The following POU2F1 variants were observed in gnomAD, a reference collection of about 807,000 sequenced individuals.
POU2F1 encodes POU class 2 homeobox 1, also known as POU domain, class 2, transcription factor 1.
POU2F1 carries 16 observed loss-of-function variants against 84.9 expected under a neutral mutation model. That is an observed-to-expected ratio of 0.19 (90% confidence interval 0.13 to 0.29). POU2F1 has a LOEUF of 0.29. Among genes scored for constraint, POU2F1 ranks in the 10% least tolerant of loss-of-function variants. The probability of loss-of-function intolerance (pLI) is 1.00; values close to 1 mark genes in which losing one functional copy is unlikely to be tolerated. For synonymous variants in POU2F1, 368 were observed against 368.3 expected (o/e 1.00, Z 0.01); for missense variants, 738 against 942.6 (o/e 0.78, Z 2.84).
At chr1:167,312,535 T>A (rs12730999) in intron 1 of POU2F1, among the ~76,000 whole-genome samples, 1,841 of 152,120 alleles carry the variant, frequency 0.012, 14 homozygotes, top group South Asian at 0.026. Context: ...TGGCTAAAAG[T>A]CAAATTTTTT....
intron 1 of POU2F1, among the ~76,000 whole-genome samples, chr1:167,330,475 C>T (rs780647213): frequency 2.6e-5 from 4 of 151,744 alleles, no homozygotes; most frequent in Admixed American, 1.3e-4. Flanking sequence ...ACTTAGTTAA[C>T]AATTCAAAAA....
intron 1 of POU2F1, among the ~76,000 whole-genome samples, chr1:167,225,503 A>G (rs1648564822): frequency 6.6e-6 from 1 of 152,250 alleles, no homozygotes; most frequent in Non-Finnish European, 1.5e-5. Flanking sequence ...TCAATCTGCC[A>G]TTCATCTGGT....
intron 9 of POU2F1, among the ~76,000 whole-genome samples, chr1:167,393,326 A>G (rs781041532): frequency 7.2e-5 from 11 of 152,176 alleles, no homozygotes; most frequent in Non-Finnish European, 1.2e-4. Context: ...TTTTTATTCA[A>G]TTAAGCAATT....
chr1:167,402,743 T>C (rs1649297497), intron 13 of POU2F1, among the ~76,000 whole-genome samples: 1 of 152,230 alleles, frequency 6.6e-6, no homozygotes, highest in Admixed American at 6.5e-5. Flanking sequence ...ATATATAATA[T>C]TGAGCACTTC....
rs912813436 is a variant in POU2F1 at position 167,221,160 on chromosome 1, A to C, written c.61+202A>C. Among the ~76,000 whole-genome samples, 8 of 150,716 alleles carry C rather than the reference A, an allele frequency of 5.3e-5. No homozygotes were observed. The East Asian group carries it at 6.0e-4, about 11-fold the overall frequency. ...CTCGGAGCGGCCAGGCGGAGGGGGA[A>C]GACAAGGGGCAAAGGGGGCTGCGAT... is the stretch of plus-strand genomic sequence containing the variant. On this transcript the variant is annotated intron_variant, in intron 1 of 15. Coordinates refer to ENST00000367866, the MANE Select transcript of POU2F1 (RefSeq NM_002697.4).
chr1:167,270,978 G>T (rs1173498266), intron 1 of POU2F1, among the ~76,000 whole-genome samples: 1 of 152,178 alleles, frequency 6.6e-6, no homozygotes, highest in East Asian at 1.9e-4. Context: ...TTTATGAAAT[G>T]AATTATTTCT....
chr1:167,406,620 A>C (rs886796992), intron 13 of POU2F1, among the ~76,000 whole-genome samples: 1 of 152,186 alleles, frequency 6.6e-6, no homozygotes, highest in Non-Finnish European at 1.5e-5. Flanking sequence ...ATACTAAGGA[A>C]TTCACCAAAA....
chr1:167,353,743 A>C (rs1291669167), intron 2 of POU2F1, among the ~76,000 whole-genome samples: 1 of 152,192 alleles, frequency 6.6e-6, no homozygotes, highest in Non-Finnish European at 1.5e-5. Flanking sequence ...GATTTTATGC[A>C]AAAGTAATTG....
In POU2F1 at chr1:167,420,226, T is replaced by C. The variant is rs1214618; in HGVS notation, c.*4416T>C. 137,209 of 150,142 alleles carry C rather than the reference T, an allele frequency of 0.91. 63,943 individuals carry two copies. Among genetic ancestry groups the C allele is most frequent in the Non-Finnish European group, 1 (67,678 of 67,828 alleles). The allele number at this position is 150,142 out of a possible 1,614,324, so 9.3% of individuals were successfully genotyped here. ...TTGCCTAGGCTAGAGTGCAACGGCATGATCTCGGCTCACTGCAACCTCTGC... is the reference window on the plus strand; with the variant it reads ...TTGCCTAGGCTAGAGTGCAACGGCACGATCTCGGCTCACTGCAACCTCTGC... On this transcript the variant is annotated 3_prime_UTR_variant, in exon 16 of 16. Coordinates refer to ENST00000367866, the MANE Select transcript of POU2F1 (RefSeq NM_002697.4).
chr1:167,314,866 T>C (rs1259757290), intron 1 of POU2F1, among the ~76,000 whole-genome samples: 2 of 152,148 alleles, frequency 1.3e-5, no homozygotes, highest in Non-Finnish European at 2.9e-5. Context: ...TAATCCCCAG[T>C]GTCGGAGGTG....
intron 13 of POU2F1, among the ~76,000 whole-genome samples, chr1:167,404,836 T>G (rs1350997606): frequency 6.6e-6 from 1 of 152,186 alleles, no homozygotes; most frequent in African/African-American, 2.4e-5. Context: ...AGTTTTATCC[T>G]TTTTCTCATT....
chr1:167,266,227 G>C (rs1443830124), intron 1 of POU2F1, among the ~76,000 whole-genome samples: 1 of 152,114 alleles, frequency 6.6e-6, no homozygotes, highest in Non-Finnish European at 1.5e-5. Flanking sequence ...CTTTTTTATA[G>C]TTGCCTTTGA....
At chr1:167,301,680 C>T (rs1218483108) in intron 1 of POU2F1, among the ~76,000 whole-genome samples, 1 of 152,136 alleles carries the variant, frequency 6.6e-6, no homozygotes, top group African/African-American at 2.4e-5. Flanking sequence ...AGTTTGTAAC[C>T]ATCATATTGG....
In POU2F1 at chr1:167,371,979, A is replaced by G. The variant is rs776594103; in HGVS notation, c.345A>G (p.Ser115=). 2 of 1,614,210 alleles carry G rather than the reference A, an allele frequency of 1.2e-6. No homozygotes were observed. Among genetic ancestry groups the G allele is most frequent in the African/African-American group, 2.7e-5 (2 of 75,072 alleles). ...QQPSQPSQQP[S]VQAAIPQTQL... is the part of the protein sequence containing the mutation. ...CAAGCCAGCCTTCCCAGCAGCCTTC[A>G]GTGCAGGCAGCCATTCCCCAGACCC... The change falls in exon 5 of 16, where the codon TCA becomes TCG. Residue 115 remains serine, a synonymous_variant. Transcript: ENST00000367866.
chr1:167,332,067 A>G (rs1036373185), intron 1 of POU2F1, among the ~76,000 whole-genome samples: 2 of 152,060 alleles, frequency 1.3e-5, no homozygotes, highest in Admixed American at 1.3e-4. Flanking sequence ...ATATCATTGC[A>G]TATAGAAAAA....
At chr1:167,383,513 G>A (rs966714935) in intron 7 of POU2F1, 1 of 166,326 alleles carries the variant, frequency 6.0e-6, no homozygotes, top group Non-Finnish European at 1.3e-5. Context: ...ATGGATTCTA[G>A]GTTAAGAAGT....
At chr1:167,242,998 A>T (rs1650027324) in intron 1 of POU2F1, among the ~76,000 whole-genome samples, 1 of 151,376 alleles carries the variant, frequency 6.6e-6, no homozygotes, top group South Asian at 2.1e-4. Flanking sequence ...CCCAAAATGA[A>T]TTCTACCTTT....
At chr1:167,260,617 C>T (rs1423831427) in intron 1 of POU2F1, among the ~76,000 whole-genome samples, 1 of 152,092 alleles carries the variant, frequency 6.6e-6, no homozygotes, top group Non-Finnish European at 1.5e-5. Context: ...TCCCTCTTTC[C>T]TCAGCTTTCC....
intron 1 of POU2F1, among the ~76,000 whole-genome samples, chr1:167,282,769 A>G (rs542203292): frequency 8.5e-5 from 13 of 152,268 alleles, no homozygotes; most frequent in Admixed American, 2.0e-4. Context: ...TAGGGTTTAG[A>G]TATTGCACCT....
Sources: allele counts gnomAD v4.1 joint callset (sites outside exome capture counted in the v4.1 genomes callset), GRCh38; gene constraint gnomAD v4.1.1; transcripts MANE v1.5; gene names NCBI Gene and HGNC (gene_info 2026-07-23, HGNC 2026-07-21).